Variants in CCDC178 observed in about 807,000 individuals in gnomAD.
CCDC178 encodes coiled-coil domain containing 178, also known as coiled-coil domain-containing protein 178.
CCDC178 carries 126 observed loss-of-function variants against 117.4 expected under a neutral mutation model. The ratio of observed to expected loss-of-function variants is 1.07; its 90% CI spans 0.93 to 1.24. The LOEUF is 1.24. Among genes scored for constraint, CCDC178 ranks in the 50% most tolerant of loss-of-function variants. The pLI is 0.00. For missense variants in CCDC178, 1,030 were observed against 986.9 expected, an observed-to-expected ratio of 1.04 and a Z score of -0.59; for synonymous variants, 283 against 313.4, an observed-to-expected ratio of 0.90 and a Z score of 1.02.
At position 33,179,110 on chromosome 18, in the gene CCDC178, A is replaced by T. The variant is rs62093076; in HGVS notation, c.2238+32786T>A. On this transcript the variant is annotated intron_variant, in intron 20 of 22. Transcript: ENST00000383096. ...ATATATATATATATATATATATATA[A>T]ACTATATATATATATATAAACTATA... is the stretch of plus-strand genomic sequence containing the variant. Among the ~76,000 whole-genome samples the T allele has an allele frequency of 2.9e-3, 289 of 100,148 alleles. 18 individuals are homozygous for T. Among genetic ancestry groups the T allele is most frequent in the African/African-American group, 0.014 (274 of 19,410 alleles). 65.7% of individuals were successfully genotyped at this position (100,148 alleles called of 152,430 possible).
chr18:33,242,830 T>C (rs1256137760), intron 15 of CCDC178, among the ~76,000 whole-genome samples: 2 of 151,936 alleles, frequency 1.3e-5, no homozygotes, highest in African/African-American at 4.8e-5. Context: ...ACAGACACTA[T>C]GGACAGCAGG....
Position 33,139,742 on chromosome 18 carries a change from C to T in CCDC178, c.2239-46832G>A, listed in dbSNP as rs145908100. Among the ~76,000 whole-genome samples the T allele has an allele frequency of 3.0e-3, 459 of 152,232 alleles. 4 individuals are homozygous for T. The highest frequency in any genetic ancestry group is 0.011 in the African/African-American group (447 of 41,530). ...GCATAACAGTTTGGAAAAGTTGCAG[C>T]CTCACGATGCAAAAAGAAAAACCCA... On this transcript the variant is annotated intron_variant, in intron 20 of 22. Transcript: ENST00000383096.
intron 22 of CCDC178, among the ~76,000 whole-genome samples, chr18:32,943,195 GA>G (rs1179083718): frequency 6.6e-6 from 1 of 152,150 alleles, no homozygotes; most frequent in African/African-American, 2.4e-5. Context: ...ATGATGGAGA[GA>G]AAGTGATCCT....
intron 2 of CCDC178, among the ~76,000 whole-genome samples, chr18:33,427,837 T>A (rs1335067933): frequency 6.6e-6 from 1 of 152,214 alleles, no homozygotes; most frequent in African/African-American, 2.4e-5. Context: ...CAAATCAGCC[T>A]TCACGATGTT....
intron 2 of CCDC178, among the ~76,000 whole-genome samples, chr18:33,415,623 C>A (rs922631450): frequency 6.6e-6 from 1 of 151,980 alleles, no homozygotes; most frequent in Non-Finnish European, 1.5e-5. Context: ...GTGCAGCACA[C>A]CAACATGGCA....
chr18:32,974,045 A>G lies in CCDC178; in HGVS notation c.2523+502T>C, dbSNP rs532199378. Among the ~76,000 whole-genome samples the G allele has an allele frequency of 1.6e-4, 24 of 152,330 alleles. No individual in the cohort carries two copies. In the South Asian group the frequency reaches 5.0e-3, roughly 32 times the overall value. ...AAACAAGGAGTAAAATCTCACATGC[A>G]TCTAGAACCACAGCTACTTTCTAGT... On this transcript the variant is annotated intron_variant, in intron 22 of 22. Coordinates refer to ENST00000383096, the MANE Select transcript of CCDC178 (RefSeq NM_001105528.4).
chr18:33,167,390 A>G (rs1490128031), intron 20 of CCDC178, among the ~76,000 whole-genome samples: 1 of 152,154 alleles, frequency 6.6e-6, no homozygotes, highest in Non-Finnish European at 1.5e-5. Context: ...AGCCGTGCAT[A>G]AGTATTCCCT....
chr18:33,221,744 A>T (rs771793153), intron 18 of CCDC178, among the ~76,000 whole-genome samples: 3 of 152,094 alleles, frequency 2.0e-5, no homozygotes, highest in African/African-American at 7.2e-5. Context: ...CTGGCAAAAC[A>T]GAGTATCATT....
intron 4 of CCDC178, among the ~76,000 whole-genome samples, chr18:33,393,929 C>T (rs1568198120): frequency 6.6e-6 from 1 of 151,886 alleles, no homozygotes; most frequent in Non-Finnish European, 1.5e-5. Context: ...CTTTCATTCT[C>T]AGGACAGAGA....
At chr18:33,247,118 GAGAGAC>G (rs969878164) in intron 14 of CCDC178, among the ~76,000 whole-genome samples, 2 of 151,140 alleles carry the variant, frequency 1.3e-5, no homozygotes, top group Non-Finnish European at 3.0e-5. Flanking sequence ...GACAGAGTCA[GAGAGAC>G]AGAGACAGAG....
intron 5 of CCDC178, among the ~76,000 whole-genome samples, chr18:33,387,919 C>A (rs1407343628): frequency 1.3e-5 from 2 of 152,110 alleles, no homozygotes; most frequent in Admixed American, 6.5e-5. Flanking sequence ...TCAGAGTGAA[C>A]AGGCAACCTA....
chr18:33,037,330 T>C (rs2056463585), intron 21 of CCDC178, among the ~76,000 whole-genome samples: 1 of 151,948 alleles, frequency 6.6e-6, no homozygotes, highest in Admixed American at 6.6e-5. Context: ...AGGTGGTGCA[T>C]TACTATATTT....
chr18:33,195,871 T>C (rs2058923901), intron 20 of CCDC178, among the ~76,000 whole-genome samples: 1 of 152,206 alleles, frequency 6.6e-6, no homozygotes. Context: ...TCTGCATCCT[T>C]TGAGGCTGGA....
intron 20 of CCDC178, among the ~76,000 whole-genome samples, chr18:33,171,581 C>T (rs543920634): frequency 1.6e-4 from 24 of 152,258 alleles, no homozygotes; most frequent in Middle Eastern, 3.4e-3. Context: ...CCAAAGAGAT[C>T]GTAGCTATAG....
At chr18:32,973,474 CAT>C (rs1361510353) in intron 22 of CCDC178, among the ~76,000 whole-genome samples, 9 of 151,974 alleles carry the variant, frequency 5.9e-5, no homozygotes, top group African/African-American at 1.9e-4. Context: ...ACTAAATCTA[CAT>C]GTTTTAAGCA....
intron 11 of CCDC178, among the ~76,000 whole-genome samples, chr18:33,299,926 A>G (rs2062155105): frequency 6.6e-6 from 1 of 152,222 alleles, no homozygotes; most frequent in Admixed American, 6.5e-5. Flanking sequence ...TATTATCAAA[A>G]GACAAAAAAT....
At chr18:33,198,406 T>C (rs2058957625) in intron 20 of CCDC178, among the ~76,000 whole-genome samples, 1 of 152,222 alleles carries the variant, frequency 6.6e-6, no homozygotes, top group Non-Finnish European at 1.5e-5. Flanking sequence ...TCTATGCTTA[T>C]GAACATTATA....
chr18:32,942,740 T>C (rs1260335457), intron 22 of CCDC178, among the ~76,000 whole-genome samples: 1 of 152,220 alleles, frequency 6.6e-6, no homozygotes, highest in Non-Finnish European at 1.5e-5. Flanking sequence ...GACTGAAGTT[T>C]ATTAACACAG....
rs369258275 is a variant in CCDC178 at position 33,127,698 on chromosome 18, T to G, written c.2239-34788A>C. On this transcript the variant is annotated intron_variant, in intron 20 of 22. Coordinates refer to ENST00000383096, the MANE Select transcript of CCDC178 (RefSeq NM_001105528.4). ...ATCCACCTTCCTCGGCCTCTCAAAGTGCTGGGATTACAGGTGTGAGCCACC... is the reference window on the plus strand; with the variant it reads ...ATCCACCTTCCTCGGCCTCTCAAAGGGCTGGGATTACAGGTGTGAGCCACC... Among the ~76,000 whole-genome samples the G allele has an allele frequency of 2.0e-5, 3 of 152,290 alleles. No homozygotes were observed. The South Asian group carries it at 6.2e-4, about 32-fold the overall frequency.
Sources: allele counts gnomAD v4.1 joint callset (sites outside exome capture counted in the v4.1 genomes callset), GRCh38; gene constraint gnomAD v4.1.1; transcripts MANE v1.5; gene names NCBI Gene and HGNC (gene_info 2026-07-23, HGNC 2026-07-21).